The following WNT2B variants were observed in gnomAD, a reference collection of about 807,000 sequenced individuals.
The protein encoded by WNT2B is protein Wnt-2b.
In WNT2B, 19 loss-of-function variants were observed where a neutral mutation model predicts 40.5. The ratio of observed to expected loss-of-function variants is 0.47; its 90% CI spans 0.33 to 0.69. WNT2B has a LOEUF of 0.69. Among genes scored for constraint, WNT2B ranks in the 30% least tolerant of loss-of-function variants. The pLI is 0.02. For synonymous variants in WNT2B, 220 were observed against 211.9 expected, an observed-to-expected ratio of 1.04 and a Z score of -0.33; for missense variants, 467 against 556.4, an observed-to-expected ratio of 0.84 and a Z score of 1.62.
rs1345791506 is a variant in WNT2B, at chr1:112,509,077, C to T, written c.-186C>T. 1.5e-6 allele frequency: 2 copies of T among 1,351,048 alleles called. No homozygotes were observed. The highest frequency in any genetic ancestry group is 4.0e-5 in the Admixed American group (1 of 25,066). 83.7% of individuals were successfully genotyped at this position (1,351,048 alleles called of 1,614,324 possible). A position where few individuals can be genotyped will look rare whatever the true frequency, so the allele number is the denominator to read the frequency against. ...CGGCACGCCGTCGTCGGCTTCCGGA[C>T]ATCGCAACTTGCGCCCCTCTCGGGG... is the stretch of plus-strand genomic sequence containing the variant. On this transcript the variant is annotated 5_prime_UTR_variant, in exon 1 of 5. Transcript: ENST00000369684. The surrounding 1 kb of genome is among the most constrained non-coding windows in gnomAD (Gnocchi z 4.2).
At position 112,527,451 on chromosome 1, in the gene WNT2B, ACCT is replaced by A. The variant is rs1653639506; in HGVS notation, c.*6946_*6948del. The A allele has an allele frequency of 1.3e-5, 2 of 152,492 alleles. No homozygotes were observed. Among genetic ancestry groups the A allele is most frequent in the Admixed American group, 1.3e-4 (2 of 15,240 alleles). The allele number at this position is 152,492 out of a possible 1,614,324, so 9.4% of individuals were successfully genotyped here. ...CATCATCTAAAGAATTCCATTGCTCACCTCCTGCATAGCAGCACAGCCCCATGA... is the reference window on the plus strand; with the variant it reads ...CATCATCTAAAGAATTCCATTGCTCACCTGCATAGCAGCACAGCCCCATGA... On this transcript the variant is annotated 3_prime_UTR_variant, in exon 5 of 5. Transcript: ENST00000369684.
At chr1:112,503,391 TCTGA>T (rs1652018052) in intron 1 of WNT2B, among the ~76,000 whole-genome samples, 1 of 152,142 alleles carries the variant, frequency 6.6e-6, no homozygotes, top group Non-Finnish European at 1.5e-5. Flanking sequence ...CCTCAGGTTT[TCTGA>T]CTTTTTACTG....
intron 1 of WNT2B, among the ~76,000 whole-genome samples, chr1:112,511,416 G>A (rs958353289): frequency 6.6e-6 from 1 of 152,184 alleles, no homozygotes; most frequent in African/African-American, 2.4e-5. Context: ...CCACTTGTGG[G>A]ATAAGGTGAA....
intron 1 of WNT2B, among the ~76,000 whole-genome samples, chr1:112,497,841 A>G (rs1651826177): frequency 6.6e-6 from 1 of 152,126 alleles, no homozygotes; most frequent in African/African-American, 2.4e-5. Context: ...ATAAGCAGTT[A>G]AGAGAAGCCA....
At chr1:112,470,731 C>A (rs1345295109) in intron 1 of WNT2B, among the ~76,000 whole-genome samples, 1 of 152,208 alleles carries the variant, frequency 6.6e-6, no homozygotes, top group Non-Finnish European at 1.5e-5. Context: ...AGTCAGCTCT[C>A]AGGCTCACCC....
At chr1:112,486,132 A>AACACACAC (rs71584737) in intron 1 of WNT2B, among the ~76,000 whole-genome samples, 10,686 of 143,792 alleles carry the variant, frequency 0.074, 492 homozygotes, top group Middle Eastern at 0.11. Context: ...ATGAGTTTTT[A>AACACACAC]ACACACACAC....
intron 1 of WNT2B, among the ~76,000 whole-genome samples, chr1:112,494,436 A>G (rs1651705916): frequency 1.3e-5 from 2 of 151,386 alleles, no homozygotes; most frequent in Admixed American, 1.3e-4. Context: ...TGGCACAATC[A>G]TGGCTCACTG....
At position 112,490,987 on chromosome 1, in the gene WNT2B, G is replaced by A. The variant is rs376076633; in HGVS notation, c.-95+23396G>A. ...CATAGCATTTATTATGTTAAATTGC[G>A]CCTGTGTTTTCTTTTCCGACCAGAC... On this transcript the variant is annotated intron_variant, in intron 1 of 4. Coordinates refer to the WNT2B transcript ENST00000256640. 3.7e-6 allele frequency: 6 copies of A among 1,609,764 alleles called. No homozygotes were observed. In the African/African-American group the frequency reaches 5.3e-5, roughly 14 times the overall value.
rs200530988 is a variant in WNT2B, at chr1:112,509,492, G to T, written c.182+48G>T. On this transcript the variant is annotated intron_variant, in intron 1 of 4. Coordinates refer to ENST00000369684, the MANE Select transcript of WNT2B (RefSeq NM_024494.3). The surrounding 1 kb of genome is among the most constrained non-coding windows in gnomAD (Gnocchi z 4.2). ...GCGGGTGAGGCGCTTGGTAGGAGAGGCCGGAGGCGCCTGGAGGGACTGGCT... is the reference window on the plus strand; with the variant it reads ...GCGGGTGAGGCGCTTGGTAGGAGAGTCCGGAGGCGCCTGGAGGGACTGGCT... 8,379 of 1,520,456 alleles carry T rather than the reference G, an allele frequency of 5.5e-3. 38 individuals carry two copies. The highest frequency in any genetic ancestry group is 7.6e-3 in the Middle Eastern group (32 of 4,224). The allele number at this position is 1,520,456 out of a possible 1,614,324, so 94.2% of individuals were successfully genotyped here.
In WNT2B at chr1:112,526,256, C is replaced by T. The variant is rs1036321928; in HGVS notation, c.*5747C>T. 16 of 1,020,820 alleles carry T rather than the reference C, an allele frequency of 1.6e-5. No homozygotes were observed. The highest frequency in any genetic ancestry group is 2.3e-5 in the Non-Finnish European group (16 of 696,504). 63.2% of individuals were successfully genotyped at this position (1,020,820 alleles called of 1,614,324 possible). A position where few individuals can be genotyped will look rare whatever the true frequency, so the allele number is the denominator to read the frequency against. ...CCAATGGCTCTTTTGCCATTTCTGC[C>T]ACTATTACCACCAGTACCATGTGAC... On this transcript the variant is annotated 3_prime_UTR_variant, in exon 5 of 5. Coordinates refer to ENST00000369684, the MANE Select transcript of WNT2B (RefSeq NM_024494.3).
Position 112,520,428 on chromosome 1 carries a change from A to G in WNT2B, c.1095A>G (p.Val365=), listed in dbSNP as rs539910668. 1.2e-6 allele frequency: 2 copies of G among 1,614,194 alleles called. No individual in the cohort carries two copies. Among genetic ancestry groups the G allele is most frequent in the African/African-American group, 1.3e-5 (1 of 75,040 alleles). Residue 365 remains valine, a synonymous_variant, in exon 5 of 5, where the codon GTA becomes GTG. Transcript: ENST00000369684. ...GCAAATTCCACTGGTGCTGTGCTGTACGGTGCAAGGAATGCAGAAATACTG... is the reference window on the plus strand; with the variant it reads ...GCAAATTCCACTGGTGCTGTGCTGTGCGGTGCAAGGAATGCAGAAATACTG... ...CECKFHWCCA[V]RCKECRNTVD... is the part of the protein sequence containing the mutation.
At position 112,509,728 on chromosome 1, in the gene WNT2B, C is replaced by T. The variant is rs1346488381; in HGVS notation, c.182+284C>T. ...TACCCCCTCTATTTCAGCTCAAGCC[C>T]CTTAGGGCAGAAGCTACCTTCCGAG... is the stretch of plus-strand genomic sequence containing the variant. On this transcript the variant is annotated intron_variant, in intron 1 of 4. Coordinates refer to ENST00000369684, the MANE Select transcript of WNT2B (RefSeq NM_024494.3). This position sits in a 1 kb window ranked among gnomAD's most constrained non-coding sequence, Gnocchi z 4.2. Among the ~76,000 whole-genome samples, 1 of 152,196 alleles carries T rather than the reference C, an allele frequency of 6.6e-6. No homozygotes were observed. The highest frequency in any genetic ancestry group is 1.5e-5 in the Non-Finnish European group (1 of 68,032).
intron 1 of WNT2B, among the ~76,000 whole-genome samples, chr1:112,485,650 G>A (rs926436264): frequency 4.6e-5 from 7 of 152,098 alleles, no homozygotes; most frequent in African/African-American, 7.2e-5. Flanking sequence ...TTCAATAAAT[G>A]GTACTGAAAC....
chr1:112,477,753 G>A (rs1651095993), intron 1 of WNT2B, among the ~76,000 whole-genome samples: 1 of 151,820 alleles, frequency 6.6e-6, no homozygotes, highest in African/African-American at 2.4e-5. Context: ...ATACAATAGA[G>A]AATTTCAACA....
chr1:112,472,879 C>T (rs1290436114), intron 1 of WNT2B, among the ~76,000 whole-genome samples: 1 of 150,716 alleles, frequency 6.6e-6, no homozygotes. Context: ...GGGAGGATCA[C>T]TTGAGCTTGG....
intron 1 of WNT2B, among the ~76,000 whole-genome samples, chr1:112,502,812 T>C (rs956362790): frequency 6.6e-6 from 1 of 151,694 alleles, no homozygotes; most frequent in South Asian, 2.1e-4. Flanking sequence ...GAGAAGGAAA[T>C]TGGGGGAGAG....
intron 4 of WNT2B, among the ~76,000 whole-genome samples, chr1:112,519,655 G>A (rs1024135079): frequency 6.6e-6 from 1 of 152,094 alleles, no homozygotes; most frequent in African/African-American, 2.4e-5. Flanking sequence ...AATAATGCAA[G>A]GGATATTACT....
chr1:112,467,397 A>G, exon 1 of WNT2B: 1 of 625,558 alleles, frequency 1.6e-6, no homozygotes, highest in South Asian at 2.0e-5. Context: ...TTCGAGGCCC[A>G]TCACTGGCAT....
intron 1 of WNT2B, among the ~76,000 whole-genome samples, chr1:112,494,566 C>T (rs1369923838): frequency 6.6e-6 from 1 of 151,344 alleles, no homozygotes; most frequent in Non-Finnish European, 1.5e-5. Context: ...GAGACAAAGT[C>T]TCTCTTTTGT....
Sources: gnomAD v4.1 joint callset for allele counts (sites outside exome capture counted in the v4.1 genomes callset) on GRCh38, gnomAD v4.1.1 for gene constraint, Gnocchi (gnomAD v3.1) non-coding constraint, MANE v1.5 for transcripts, NCBI Gene and HGNC (gene_info 2026-07-23, HGNC 2026-07-21) for gene names.